The following CLPSL2 variants were observed in gnomAD, a reference collection of about 807,000 sequenced individuals.
CLPSL2 encodes the protein colipase-like protein 2.
Under a neutral mutation model 7.9 loss-of-function variants are expected in CLPSL2, and 4 were observed. The ratio of observed to expected loss-of-function variants is 0.50; its 90% CI spans 0.25 to 1.15. The LOEUF (loss-of-function observed/expected upper bound fraction) is 1.15. Ranked by LOEUF, CLPSL2 falls within the 50% of genes most tolerant of loss-of-function variation. The pLI is 0.15. For missense variants in CLPSL2, 132 were observed against 136.6 expected (o/e 0.97, Z 0.17); for synonymous variants, 67 against 53.1 (o/e 1.26, Z -1.14).
In CLPSL2 at chr6:35,777,569, C is replaced by A; in HGVS notation, c.195C>A (p.Ile65=). 1 of 1,613,618 alleles carries A rather than the reference C, an allele frequency of 6.2e-7. No individual in the cohort carries two copies. Among genetic ancestry groups the A allele is most frequent in the African/African-American group, 1.3e-5 (1 of 75,028 alleles). The change falls in exon 2 of 3, where the codon ATC becomes ATA. Residue 65 remains isoleucine (I), a synonymous_variant. Transcript: ENST00000403376. ...FCAPRARITM[I]CLPQTKGATN... is the part of the protein sequence containing the mutation. The stretch of plus-strand genomic sequence containing the variant: ...CCCCCAGGGCCAGAATAACCATGAT[C>A]TGCTTGCCCCAGGTGAGGCCCTAGT...
chr6:35,777,302 G>A (rs920006148), intron 1 of CLPSL2, among the ~76,000 whole-genome samples, 157 bp from the exon 2 acceptor site: 4 of 135,700 alleles, frequency 2.9e-5, no homozygotes, highest in African/African-American at 8.2e-5. Context: ...AGGGGCCGGG[G>A]TGGGGCTGGG....
At chr6:35,778,830 G>A (rs1266433260) in intron 2 of CLPSL2, among the ~76,000 whole-genome samples, 1 of 152,134 alleles carries the variant, frequency 6.6e-6, no homozygotes, top group Non-Finnish European at 1.5e-5. Flanking sequence ...TTTTGCTCTT[G>A]TTGCCCAGGC....
At chr6:35,777,876 A>G (rs1400499378) in intron 2 of CLPSL2, 2 of 717,674 alleles carry the variant, frequency 2.8e-6, no homozygotes, top group Non-Finnish European at 5.2e-6. Context: ...AAGGGCAGGG[A>G]TCGCATCATA....
intron 1 of CLPSL2, 200 bp downstream of exon 1, chr6:35,776,902 AAATTGGCCTATGAC>A: frequency 4.3e-6 from 2 of 469,802 alleles, no homozygotes; most frequent in South Asian, 3.9e-5. Context: ...GAGGGGAGAG[AAATTGGCCTATGAC>A]CAGCACCCTC....
intron 1 of CLPSL2, 192 bp downstream of exon 1, chr6:35,776,894 G>T: frequency 2.1e-6 from 1 of 477,918 alleles, no homozygotes; most frequent in Non-Finnish European, 3.6e-6. Flanking sequence ...TGGCCTCAGA[G>T]GGGAGAGAAA....
intron 2 of CLPSL2, chr6:35,777,796 C>A: frequency 1.4e-6 from 1 of 719,114 alleles, no homozygotes; most frequent in South Asian, 1.5e-5. Context: ...GGGTCAGACC[C>A]TCAGCAGACC....
At chr6:35,778,754 C>G (rs1767896429) in intron 2 of CLPSL2, among the ~76,000 whole-genome samples, 1 of 152,172 alleles carries the variant, frequency 6.6e-6, no homozygotes, top group African/African-American at 2.4e-5. Flanking sequence ...AGGGCCCCTA[C>G]CATGGCCTGA....
intron 1 of CLPSL2, 45 bp from the exon 2 acceptor site, chr6:35,777,414 C>T: frequency 6.2e-7 from 1 of 1,603,208 alleles, no homozygotes; most frequent in Non-Finnish European, 8.5e-7. Context: ...CCACACGACT[C>T]AGGGATTGCT....
At chr6:35,778,750 C>G (rs781187070) in intron 2 of CLPSL2, among the ~76,000 whole-genome samples, 3 of 152,190 alleles carry the variant, frequency 2.0e-5, no homozygotes, top group Non-Finnish European at 4.4e-5. Context: ...CAGCAGGGCC[C>G]CTACCATGGC....
intron 1 of CLPSL2, 128 bp from the exon 2 acceptor site, chr6:35,777,331 A>T: frequency 9.4e-7 from 1 of 1,064,060 alleles, no homozygotes; most frequent in East Asian, 2.4e-5. Context: ...CAGCCCCCCA[A>T]GGGGTGACAA....
chr6:35,778,580 T>G (rs1462281623), intron 2 of CLPSL2, among the ~76,000 whole-genome samples: 3 of 152,208 alleles, frequency 2.0e-5, no homozygotes, highest in Non-Finnish European at 4.4e-5. Flanking sequence ...AAGGAGAGTG[T>G]GCAGTCCAGC....
chr6:35,777,388 A>G (rs1461800833), intron 1 of CLPSL2, 71 bp from the exon 2 acceptor site: 20 of 1,521,410 alleles, frequency 1.3e-5, no homozygotes, highest in Non-Finnish European at 1.8e-5. Flanking sequence ...AATGGTGGGA[A>G]CCCTCCCCTA....
chr6:35,776,747 G>A, intron 1 of CLPSL2, 45 bp downstream of exon 1: 1 of 1,344,596 alleles, frequency 7.4e-7, no homozygotes, highest in East Asian at 3.1e-5. Context: ...GCAGGAGAGG[G>A]TGGCCCCGCC....
chr6:35,777,365 TG>T, intron 1 of CLPSL2, 93 bp from the exon 2 acceptor site: 1 of 1,420,724 alleles, frequency 7.0e-7, no homozygotes, highest in Non-Finnish European at 9.7e-7. Flanking sequence ...CCTGGATCCC[TG>T]GGCTCTTTGG....
chr6:35,779,381 C>T lies in CLPSL2; in HGVS notation c.234C>T (p.Cys78=). The T allele has an allele frequency of 1.3e-6, 2 of 1,582,480 alleles. No homozygotes were observed. Among genetic ancestry groups the T allele is most frequent in the Admixed American group, 1.8e-5 (1 of 55,518 alleles). Reference sequence around the variant, plus strand: ...CCAAGGGAGCTACCAACATCATCTGCCCTTGCCGGATGGGCTTGACGTGCA... The same window carrying T: ...CCAAGGGAGCTACCAACATCATCTGTCCTTGCCGGATGGGCTTGACGTGCA... ...PQTKGATNII[C]PCRMGLTCIS... Residue 78 remains cysteine (C), a synonymous_variant, in exon 3 of 3, where the codon TGC becomes TGT. Transcript: ENST00000403376.
chr6:35,777,588 C>CAA lies in CLPSL2; in HGVS notation c.207+7_207+8insAA, dbSNP rs1767869641. The CAA allele has an allele frequency of 6.2e-7, 1 of 1,609,812 alleles. No homozygotes were observed. Among genetic ancestry groups the CAA allele is most frequent in the Non-Finnish European group, 8.5e-7 (1 of 1,178,000 alleles). Reference sequence around the variant, plus strand: ...CATGATCTGCTTGCCCCAGGTGAGGCCCTAGTATGGGGCAACTTCTGGCAA... The same window carrying CAA: ...CATGATCTGCTTGCCCCAGGTGAGGCAACCTAGTATGGGGCAACTTCTGGCAA... On this transcript the variant is annotated splice_region_variant and intron_variant, in intron 2 of 2. Coordinates refer to ENST00000403376, the MANE Select transcript of CLPSL2 (RefSeq NM_207409.4).
intron 2 of CLPSL2, chr6:35,777,974 G>T: frequency 1.4e-6 from 1 of 708,502 alleles, no homozygotes; most frequent in South Asian, 1.5e-5. Flanking sequence ...TGTTTGTTTC[G>T]AGATGGAGTC....
chr6:35,777,294 G>A (rs1242457901), intron 1 of CLPSL2, among the ~76,000 whole-genome samples, 165 bp from the exon 2 acceptor site: 2 of 141,938 alleles, frequency 1.4e-5, no homozygotes, highest in African/African-American at 5.2e-5. Flanking sequence ...TCCTGCTGAG[G>A]GGCCGGGGTG....
chr6:35,777,438 A>T, intron 1 of CLPSL2, 21 bp from the exon 2 acceptor site: 1 of 1,612,194 alleles, frequency 6.2e-7, no homozygotes, highest in South Asian at 1.1e-5. Flanking sequence ...AGCCTGGCAG[A>T]CATTCTGCCT....
Sources: gnomAD v4.1 joint callset for allele counts (sites outside exome capture counted in the v4.1 genomes callset) on GRCh38, gnomAD v4.1.1 for gene constraint, MANE v1.5 for transcripts, NCBI Gene and HGNC (gene_info 2026-07-23, HGNC 2026-07-21) for gene names.